Variants in SPTLC2 observed in about 807,000 individuals in gnomAD.
The protein encoded by SPTLC2 is serine palmitoyltransferase long chain base subunit 2.
In SPTLC2, 21 loss-of-function variants were observed where a neutral mutation model predicts 62.0. The ratio of observed to expected loss-of-function variants is 0.34; its 90% CI spans 0.24 to 0.49. The LOEUF is 0.49. SPTLC2 is among the 20% of genes least tolerant of loss of function. The pLI is 0.99. For missense variants in SPTLC2, 511 were observed against 713.0 expected (o/e 0.72, Z 3.23); for synonymous variants, 261 against 261.8 (o/e 1.00, Z 0.03).
At chr14:77,556,273 A>G (rs986121735) in intron 7 of SPTLC2, among the ~76,000 whole-genome samples, 1 of 152,074 alleles carries the variant, frequency 6.6e-6, no homozygotes, top group Non-Finnish European at 1.5e-5. Context: ...ACATCCCGCC[A>G]CTGCACTCCA....
At chr14:77,558,837 G>C (rs1288457950) in intron 6 of SPTLC2, among the ~76,000 whole-genome samples, 1 of 152,004 alleles carries the variant, frequency 6.6e-6, no homozygotes, top group Non-Finnish European at 1.5e-5. Flanking sequence ...GGCCAGGCTG[G>C]TCTTGAACTC....
At chr14:77,591,417 C>A (rs1595009599) in intron 2 of SPTLC2, among the ~76,000 whole-genome samples, 1 of 152,124 alleles carries the variant, frequency 6.6e-6, no homozygotes, top group South Asian at 2.1e-4. Flanking sequence ...GTGCTGGCTG[C>A]ACAACTCTGT....
intron 2 of SPTLC2, among the ~76,000 whole-genome samples, chr14:77,594,197 T>C (rs575944832): frequency 9.9e-5 from 15 of 152,200 alleles, no homozygotes; most frequent in Admixed American, 2.0e-4. Context: ...ACTTGTATAA[T>C]GGTTTTGCAA....
chr14:77,577,700 C>G (rs529371066), intron 3 of SPTLC2, among the ~76,000 whole-genome samples: 1 of 152,216 alleles, frequency 6.6e-6, no homozygotes, highest in South Asian at 2.1e-4. Context: ...GAGATTGAGA[C>G]CATCCTGACT....
At chr14:77,596,318 G>A (rs1189918615) in intron 2 of SPTLC2, among the ~76,000 whole-genome samples, 10 of 137,748 alleles carry the variant, frequency 7.3e-5, no homozygotes, top group East Asian at 2.1e-4. Context: ...CAGCCTGGGC[G>A]ACAGAGCAAG....
chr14:77,549,369 A>G (rs1237407906), intron 9 of SPTLC2, among the ~76,000 whole-genome samples: 1 of 152,142 alleles, frequency 6.6e-6, no homozygotes, highest in Non-Finnish European at 1.5e-5. Context: ...GGTTTCCGCC[A>G]GGTTCTTTGG....
chr14:77,540,822 A>C (rs17105930), intron 9 of SPTLC2, among the ~76,000 whole-genome samples: 29,638 of 152,174 alleles, frequency 0.19, 3,709 homozygotes, highest in African/African-American at 0.35. Context: ...ACATTTAATT[A>C]TGGCATAAGT....
intron 7 of SPTLC2, among the ~76,000 whole-genome samples, chr14:77,556,414 T>C (rs1372053255): frequency 2.0e-5 from 3 of 152,170 alleles, no homozygotes; most frequent in Non-Finnish European, 2.9e-5. Flanking sequence ...CAGATTCTTC[T>C]AAAGCTTGTA....
At chr14:77,595,239 C>T (rs1235631069) in intron 2 of SPTLC2, among the ~76,000 whole-genome samples, 2 of 152,082 alleles carry the variant, frequency 1.3e-5, no homozygotes, top group South Asian at 4.1e-4. Flanking sequence ...GTAGCACATG[C>T]CTGTACTCCC....
rs150647667 is a variant in SPTLC2 at position 77,590,406 on chromosome 14, C to T, written c.327+6780G>A. ...TTTGTATTCTGGTGGAAGAGATAAA[C>T]ATATAAAATACAAAGTTTGCTAGTC... On this transcript the variant is annotated intron_variant, in intron 2 of 11. Transcript: ENST00000216484. Among the ~76,000 whole-genome samples, 813 of 152,270 alleles carry T rather than the reference C, an allele frequency of 5.3e-3. 7 individuals are homozygous for T. The highest frequency in any genetic ancestry group is 0.014 in the Middle Eastern group (4 of 294).
intron 4 of SPTLC2, among the ~76,000 whole-genome samples, chr14:77,571,952 G>C (rs1388802961): frequency 3.2e-5 from 4 of 123,896 alleles, no homozygotes; most frequent in African/African-American, 1.3e-4. Flanking sequence ...CACCACGCCT[G>C]ACTATTTTGT....
intron 9 of SPTLC2, among the ~76,000 whole-genome samples, chr14:77,529,620 C>CTTTCTTTCTTTTT (rs1555373703): frequency 1.3e-5 from 1 of 76,046 alleles, no homozygotes; most frequent in Non-Finnish European, 2.7e-5. Flanking sequence ...TTCTTTCTTT[C>CTTTCTTTCTTTTT]TTTTTTTTTT....
intron 9 of SPTLC2, among the ~76,000 whole-genome samples, chr14:77,542,931 C>T (rs1348854241): frequency 1.3e-5 from 2 of 152,136 alleles, no homozygotes; most frequent in Non-Finnish European, 2.9e-5. Flanking sequence ...AGAATGGTTG[C>T]TAATGCACAG....
chr14:77,542,063 GA>G lies in SPTLC2; in HGVS notation c.1303+10032del, dbSNP rs11402118. Among the ~76,000 whole-genome samples the G allele has an allele frequency of 7.2e-3, 872 of 120,410 alleles. 12 individuals are homozygous for G. The highest frequency in any genetic ancestry group is 0.024 in the African/African-American group (788 of 33,350). The allele number at this position is 120,410 out of a possible 152,430, so 79.0% of individuals were successfully genotyped here. On this transcript the variant is annotated intron_variant, in intron 9 of 11. Transcript: ENST00000216484. ...CAGAGTGAGACAGACTCTGTGTCCG[GA>G]AAAAAAAAAAAAAACCAAGAAAAAC... is the stretch of plus-strand genomic sequence containing the variant.
chr14:77,585,441 AT>A (rs550090222), intron 2 of SPTLC2, among the ~76,000 whole-genome samples: 115 of 152,320 alleles, frequency 7.5e-4, no homozygotes, highest in Non-Finnish European at 1.4e-3. Flanking sequence ...GTCAGTTCTA[AT>A]TTAATAACTT....
intron 8 of SPTLC2, among the ~76,000 whole-genome samples, chr14:77,554,137 C>T (rs376419391): frequency 1.4e-4 from 22 of 152,214 alleles, no homozygotes; most frequent in African/African-American, 4.1e-4. Context: ...TTTAATACTC[C>T]GAATATTGAG....
chr14:77,547,034 T>C, intron 9 of SPTLC2, among the ~76,000 whole-genome samples: 1 of 149,502 alleles, frequency 6.7e-6, no homozygotes, highest in African/African-American at 2.5e-5. Flanking sequence ...CCAGCTAATT[T>C]TCATATTTTT....
chr14:77,615,422 C>G (rs979704706), intron 1 of SPTLC2, among the ~76,000 whole-genome samples: 1 of 152,188 alleles, frequency 6.6e-6, no homozygotes, highest in African/African-American at 2.4e-5. Flanking sequence ...AGATCACCAT[C>G]CTATCAAACT....
chr14:77,531,473 C>T (rs1363643260), intron 9 of SPTLC2, among the ~76,000 whole-genome samples: 22 of 95,082 alleles, frequency 2.3e-4, no homozygotes, highest in African/African-American at 8.1e-4. Context: ...TCCTCCTCCT[C>T]CCCCTCCCCC....
Sources: allele counts gnomAD v4.1 joint callset (sites outside exome capture counted in the v4.1 genomes callset), GRCh38; gene constraint gnomAD v4.1.1; transcripts MANE v1.5; gene names NCBI Gene and HGNC (gene_info 2026-07-23, HGNC 2026-07-21).